Variants in ANKRD62 observed in about 807,000 individuals in gnomAD.
The protein encoded by ANKRD62 is ankyrin repeat domain 62, also known as ankyrin repeat domain-containing protein 62.
Under a neutral mutation model 98.8 loss-of-function variants are expected in ANKRD62, and 61 were observed. That is an observed-to-expected ratio of 0.62 (90% CI 0.50 to 0.76). The LOEUF (loss-of-function observed/expected upper bound fraction) is 0.76. ANKRD62 is among the 30% of genes least tolerant of loss of function. ANKRD62 has a pLI of 0.00. For missense variants in ANKRD62, 933 were observed against 1,082.9 expected, an observed-to-expected ratio of 0.86 and a Z score of 1.94; for synonymous variants, 341 against 367.9, an observed-to-expected ratio of 0.93 and a Z score of 0.84.
At chr18:12,131,736 A>AGT (rs59080091), downstream of ANKRD62, among the ~76,000 whole-genome samples, 4,109 of 148,766 alleles carry the variant, frequency 0.028, 153 homozygotes, top group African/African-American at 0.084. Flanking sequence ...TGTATGTGTG[A>AGT]GTGTGTGTGT....
downstream of ANKRD62, among the ~76,000 whole-genome samples, chr18:12,130,879 A>C (rs1367893354): frequency 6.6e-6 from 1 of 152,016 alleles, no homozygotes; most frequent in Non-Finnish European, 1.5e-5. Flanking sequence ...TTTAGTAGAG[A>C]TGGTTTCACC....
At chr18:12,146,211 G>A in the ANKRD62 span, among the ~76,000 whole-genome samples, 2 of 149,018 alleles carry the variant, frequency 1.3e-5, no homozygotes, top group Admixed American at 6.7e-5. Flanking sequence ...CTGACTTTGT[G>A]GGACCTCCCA....
the ANKRD62 span, among the ~76,000 whole-genome samples, chr18:12,181,634 C>T: frequency 1.3e-5 from 2 of 152,184 alleles, no homozygotes; most frequent in African/African-American, 4.8e-5. Context: ...ATGTTTGTTT[C>T]TCTGGGGGAG....
intron 5 of ANKRD62, chr18:12,098,647 A>G (rs1174919335): frequency 1.3e-5 from 2 of 152,268 alleles, no homozygotes; most frequent in Admixed American, 6.5e-5. Flanking sequence ...CATTACAAAA[A>G]CATTGGAGTA....
intron 10 of ANKRD62, among the ~76,000 whole-genome samples, chr18:12,119,082 A>G (rs1191328995): frequency 6.6e-6 from 1 of 152,166 alleles, no homozygotes; most frequent in East Asian, 1.9e-4. Context: ...AGGGCAATTC[A>G]GGTTATTTAT....
At position 12,121,571 on chromosome 18, in the gene ANKRD62, T is replaced by C. The variant is rs140841112; in HGVS notation, c.1241-732T>C. ...TCCTCTGCTGCTTTCTCCTCTCCAG[T>C]GTTCTGTCCTGTGATTTCTCTCTGC... On this transcript the variant is annotated intron_variant, in intron 10 of 13. Coordinates refer to ENST00000587848, the MANE Select transcript of ANKRD62 (RefSeq NM_001277333.2). 3.0e-3 allele frequency among the ~76,000 whole-genome samples: 450 copies of C among 152,270 alleles called. 1 individual carries two copies. The highest frequency in any genetic ancestry group is 0.01 in the African/African-American group (416 of 41,542).
chr18:12,102,755 TAA>T, intron 6 of ANKRD62: 1 of 1,002,766 alleles, frequency 1.0e-6, no homozygotes, highest in Non-Finnish European at 1.2e-6. Flanking sequence ...AAGTTACTCA[TAA>T]TAAGAAGCAG....
chr18:12,135,936 G>T, the ANKRD62 span, among the ~76,000 whole-genome samples: 1 of 152,116 alleles, frequency 6.6e-6, no homozygotes, highest in South Asian at 2.1e-4. Context: ...GTAGATTCTG[G>T]ATATTAGCCC....
downstream of ANKRD62, among the ~76,000 whole-genome samples, chr18:12,130,676 T>C (rs1430488855): frequency 2.7e-5 from 4 of 149,310 alleles, no homozygotes; most frequent in African/African-American, 9.8e-5. Flanking sequence ...TGTTTTACTT[T>C]TTTTTTTTTT....
At chr18:12,141,212 A>G in the ANKRD62 span, among the ~76,000 whole-genome samples, 2 of 152,224 alleles carry the variant, frequency 1.3e-5, no homozygotes, top group South Asian at 4.1e-4. Flanking sequence ...CAAGCGCAGT[A>G]TTAGGGTGGG....
At chr18:12,133,051 TC>T (rs1384236044), downstream of ANKRD62, among the ~76,000 whole-genome samples, 2 of 152,266 alleles carry the variant, frequency 1.3e-5, no homozygotes, top group East Asian at 3.9e-4. Flanking sequence ...TAATAGAAAC[TC>T]TGTACCCATT....
At chr18:12,146,843 C>A in the ANKRD62 span, among the ~76,000 whole-genome samples, 1 of 152,076 alleles carries the variant, frequency 6.6e-6, no homozygotes, top group African/African-American at 2.4e-5. Context: ...TGTCTGCCAG[C>A]CAACAGAGGT....
intron 10 of ANKRD62, among the ~76,000 whole-genome samples, chr18:12,117,190 C>T (rs905819281): frequency 6.6e-6 from 1 of 152,142 alleles, no homozygotes; most frequent in Non-Finnish European, 1.5e-5. Context: ...TCTACATAGA[C>T]CAAAGATTTT....
At chr18:12,115,290 G>GT in intron 9 of ANKRD62, 103 bp from the exon 10 acceptor site, 3 of 1,314,312 alleles carry the variant, frequency 2.3e-6, no homozygotes, top group Non-Finnish European at 2.0e-6. Flanking sequence ...AAGTACCTGT[G>GT]TTTTTGCTCA....
At chr18:12,104,661 A>G (rs1031826610) in intron 7 of ANKRD62, among the ~76,000 whole-genome samples, 5 of 152,194 alleles carry the variant, frequency 3.3e-5, no homozygotes, top group Admixed American at 3.3e-4. Flanking sequence ...GAGACACTCC[A>G]TGATAACTCT....
Position 12,115,501 on chromosome 18 carries a change from T to G in ANKRD62, c.1207T>G (p.Leu403Val). 2.0e-6 allele frequency: 3 copies of G among 1,537,650 alleles called. No individual in the cohort carries two copies. The highest frequency in any genetic ancestry group is 2.4e-5 in the East Asian group (1 of 40,864). ...TTACTCTGATGATGAGAATTTTATGTTACTCATTGAACAAAGTGGAATGGA... is the reference window on the plus strand; with the variant it reads ...TTACTCTGATGATGAGAATTTTATGGTACTCATTGAACAAAGTGGAATGGA... The part of the protein sequence containing the change: ...LPYSDDENFM[L>V]LIEQSGMECK... Residue 403 changes from leucine to valine, a missense_variant, in exon 10 of 14, where the codon TTA (leucine) becomes GTA (valine). Coordinates refer to ENST00000587848, the MANE Select transcript of ANKRD62 (RefSeq NM_001277333.2).
In ANKRD62 at chr18:12,127,787, C is replaced by G; in HGVS notation, c.2602C>G (p.Leu868Val). Residue 868 changes from leucine (L) to valine (V), a missense_variant, in exon 14 of 14, where the codon CTG (leucine) becomes GTG (valine). By Grantham distance (32) the Leu-to-Val change is conservative. Coordinates refer to ENST00000587848, the MANE Select transcript of ANKRD62 (RefSeq NM_001277333.2). ...RQLQREVDDA[L>V]NKQLLLEAML... ...GCTTCAACGAGAAGTGGATGATGCCCTGAACAAACAATTGCTGTTAGAAGC... is the reference window on the plus strand; with the variant it reads ...GCTTCAACGAGAAGTGGATGATGCCGTGAACAAACAATTGCTGTTAGAAGC... 6.7e-7 allele frequency: 1 copy of G among 1,484,312 alleles called. No individual in the cohort carries two copies. Among genetic ancestry groups the G allele is most frequent in the South Asian group, 1.4e-5 (1 of 73,362 alleles). 91.9% of individuals were successfully genotyped at this position (1,484,312 alleles called of 1,614,324 possible).
chr18:12,102,905 T>C, intron 6 of ANKRD62: 1 of 560,498 alleles, frequency 1.8e-6, no homozygotes, highest in Middle Eastern at 6.3e-4. Context: ...GATTCATTTG[T>C]GAGCGAATCT....
downstream of ANKRD62, among the ~76,000 whole-genome samples, chr18:12,134,664 G>A (rs1910054652): frequency 6.6e-6 from 1 of 151,928 alleles, no homozygotes; most frequent in Admixed American, 6.6e-5. Flanking sequence ...TGAGAATGAT[G>A]GTTTCCAGCT....
Sources: allele counts gnomAD v4.1 joint callset (sites outside exome capture counted in the v4.1 genomes callset), GRCh38; gene constraint gnomAD v4.1.1; transcripts MANE v1.5; gene names NCBI Gene and HGNC (gene_info 2026-07-23, HGNC 2026-07-21).